CFAP47: variants seen among roughly 807,000 people sequenced by gnomAD.
The protein encoded by CFAP47 is cilia and flagella associated protein 47.
A neutral mutation model predicts 148.1 loss-of-function variants in CFAP47; 29 were observed. That is an observed-to-expected ratio of 0.20 (90% CI 0.15 to 0.27). The LOEUF (loss-of-function observed/expected upper bound fraction) is 0.27, where lower values mean the gene tolerates loss of function less well. Ranked by LOEUF, CFAP47 falls within the 10% of genes least tolerant of loss-of-function variation. The probability of loss-of-function intolerance (pLI) is 1.00; values close to 1 mark genes in which losing one functional copy is unlikely to be tolerated. For missense variants in CFAP47, 1,872 were observed against 1,697.5 expected (o/e 1.10, Z -1.81); for synonymous variants, 664 against 577.3 (o/e 1.15, Z -2.15).
In CFAP47 at chrX:35,951,854, A is replaced by G. The variant is rs980408864; in HGVS notation, c.937A>G (p.Ile313Val). 36 of 1,165,493 alleles carry G rather than the reference A, an allele frequency of 3.1e-5. No homozygotes were observed. The highest frequency in any genetic ancestry group is 3.9e-5 in the Non-Finnish European group (34 of 880,185). Residue 313 changes from isoleucine (I) to valine (V), a missense_variant, in exon 6 of 64, where the codon ATA (isoleucine) becomes GTA (valine). Ile to Val is a conservative substitution (Grantham distance 29, BLOSUM62 3). Transcript: ENST00000378653. ...TDIALNNLTY[I>V]RKIKNIDTTI... ...TATTGCTTTAAATAATCTCACCTAC[A>G]TAAGAAAAATAAAGAACATAGATAC...
intron 23 of CFAP47, among the ~76,000 whole-genome samples, chrX:36,031,931 T>G (rs1479250031): frequency 2.7e-5 from 3 of 110,783 alleles, no homozygotes; most frequent in African/African-American, 9.8e-5. Context: ...ATTTTGAACC[T>G]TTATAGCATT....
chrX:36,156,974 A>C (rs899448149), intron 37 of CFAP47, among the ~76,000 whole-genome samples: 2 of 111,277 alleles, frequency 1.8e-5, no homozygotes, highest in African/African-American at 3.3e-5. Flanking sequence ...CATGTTCTTT[A>C]GATGGTGGTC....
chrX:36,071,990 G>C lies in CFAP47; in HGVS notation c.4465+19G>C. 8.7e-7 allele frequency: 1 copy of C among 1,149,915 alleles called. No homozygotes were observed. Among genetic ancestry groups the C allele is most frequent in the Non-Finnish European group, 1.2e-6 (1 of 856,562 alleles). 94.8% of individuals were successfully genotyped at this position (1,149,915 alleles called of 1,213,427 possible). Reference sequence around the variant, plus strand: ...TTTATTGGTATGTAGCAAATATATAGTGTACTTTCCAAAATTAGTCCATGA... The same window carrying C: ...TTTATTGGTATGTAGCAAATATATACTGTACTTTCCAAAATTAGTCCATGA... On this transcript the variant is annotated intron_variant, in intron 28 of 63. Coordinates refer to ENST00000378653, the MANE Select transcript of CFAP47 (RefSeq NM_001304548.2).
chrX:36,194,786 C>G (rs1351225622), intron 42 of CFAP47, among the ~76,000 whole-genome samples: 1 of 111,736 alleles, frequency 8.9e-6, no homozygotes, highest in Non-Finnish European at 1.9e-5. Flanking sequence ...TTAGAAACCA[C>G]CCCCATGATC....
chrX:36,308,195 T>C (rs782006754), intron 55 of CFAP47, among the ~76,000 whole-genome samples: 58 of 111,618 alleles, frequency 5.2e-4, no homozygotes, highest in African/African-American at 1.7e-3. Context: ...AAATTCTTTA[T>C]CAAACACAAA....
At chrX:36,288,112 A>G (rs1238476306) in intron 51 of CFAP47, among the ~76,000 whole-genome samples, 1 of 111,877 alleles carries the variant, frequency 8.9e-6, no homozygotes, top group African/African-American at 3.2e-5. Flanking sequence ...TCAAATTTCC[A>G]CATTTTTTCT....
chrX:36,082,504 C>A (rs1938002047), intron 29 of CFAP47, among the ~76,000 whole-genome samples: 1 of 111,678 alleles, frequency 9.0e-6, no homozygotes, highest in Non-Finnish European at 1.9e-5. Flanking sequence ...ATAAACACCG[C>A]TGAGAAGATC....
At chrX:36,229,964 T>C (rs1263658087) in intron 46 of CFAP47, among the ~76,000 whole-genome samples, 1 of 106,274 alleles carries the variant, frequency 9.4e-6, no homozygotes, top group Non-Finnish European at 1.9e-5. Flanking sequence ...GGCTGCATAG[T>C]ATTCCATGGT....
chrX:36,313,153 C>T (rs6632564), intron 56 of CFAP47, among the ~76,000 whole-genome samples: 9,790 of 110,621 alleles, frequency 0.089, 446 homozygotes, highest in East Asian at 0.26. Context: ...GCAAAATATA[C>T]TCATTAAAAA....
intron 29 of CFAP47, among the ~76,000 whole-genome samples, chrX:36,077,094 T>A (rs1281876357): frequency 2.8e-5 from 3 of 108,036 alleles, no homozygotes; most frequent in Non-Finnish European, 5.7e-5. Context: ...TCCGTTGGTC[T>A]TTGTGTCTGT....
At chrX:36,175,518 G>T (rs1939660350) in intron 39 of CFAP47, among the ~76,000 whole-genome samples, 1 of 111,554 alleles carries the variant, frequency 9.0e-6, no homozygotes, top group African/African-American at 3.3e-5. Flanking sequence ...CCTTCTAACA[G>T]ACCGGACCCT....
At chrX:36,193,754 C>A (rs1467230594) in intron 42 of CFAP47, among the ~76,000 whole-genome samples, 2 of 111,675 alleles carry the variant, frequency 1.8e-5, no homozygotes, top group Non-Finnish European at 3.8e-5. Flanking sequence ...TGCTCTTCAG[C>A]CACCCTCCTT....
At chrX:36,325,620 G>A (rs1383331013) in intron 57 of CFAP47, among the ~76,000 whole-genome samples, 3 of 110,743 alleles carry the variant, frequency 2.7e-5, no homozygotes, top group Non-Finnish European at 5.7e-5. Context: ...ATTGAGTAGG[G>A]GGAGAAGGTG....
In CFAP47 at chrX:36,040,725, A is replaced by G. The variant is rs769679983; in HGVS notation, c.4007+1546A>G. On this transcript the variant is annotated intron_variant, in intron 25 of 63. Coordinates refer to ENST00000378653, the MANE Select transcript of CFAP47 (RefSeq NM_001304548.2). ...GAAGAAATTATACTGAATTTCACAA[A>G]TAAATAATAATTAAAATACTAGATT... Among the ~76,000 whole-genome samples the G allele has an allele frequency of 3.6e-5, 4 of 111,979 alleles. No homozygotes were observed. The South Asian group carries it at 1.5e-3, about 41-fold the overall frequency.
chrX:36,086,246 G>A (rs778626290), intron 30 of CFAP47, among the ~76,000 whole-genome samples: 2 of 112,035 alleles, frequency 1.8e-5, no homozygotes, highest in Non-Finnish European at 3.8e-5. Context: ...GAAGAGTACT[G>A]GTGAATTTAC....
At chrX:36,322,175 A>ATG (rs370999223) in intron 57 of CFAP47, among the ~76,000 whole-genome samples, 11 of 111,148 alleles carry the variant, frequency 9.9e-5, no homozygotes, top group African/African-American at 3.6e-4. Context: ...TCATATATAT[A>ATG]CTTTTCCCTG....
intron 3 of CFAP47, among the ~76,000 whole-genome samples, chrX:35,945,238 A>G (rs1327921354): frequency 9.0e-6 from 1 of 111,719 alleles, no homozygotes; most frequent in Admixed American, 9.5e-5. Flanking sequence ...GGCATATATA[A>G]CTTTTCAGTA....
intron 55 of CFAP47, among the ~76,000 whole-genome samples, chrX:36,308,384 C>T (rs781979207): frequency 9.0e-6 from 1 of 111,001 alleles, no homozygotes; most frequent in East Asian, 2.8e-4. Flanking sequence ...TAGACCTCCT[C>T]AACCTTCTCA....
intron 16 of CFAP47, chrX:35,989,846 T>C (rs1485451157): frequency 6.2e-6 from 1 of 161,718 alleles, no homozygotes; most frequent in Non-Finnish European, 1.2e-5. Context: ...AGAAGCCAAA[T>C]GCTCTTTTAC....
Sources: gnomAD v4.1 joint callset for allele counts (sites outside exome capture counted in the v4.1 genomes callset) on GRCh38, gnomAD v4.1.1 for gene constraint, MANE v1.5 for transcripts, NCBI Gene and HGNC (gene_info 2026-07-23, HGNC 2026-07-21) for gene names.